The following UNC13C variants were observed in gnomAD, a reference collection of about 807,000 sequenced individuals.
UNC13C encodes the protein unc-13 homolog C.
Under a neutral mutation model 245.4 loss-of-function variants are expected in UNC13C, and 174 were observed. The observed-to-expected ratio is 0.71, with a 90% CI of 0.63 to 0.80. The LOEUF (loss-of-function observed/expected upper bound fraction) is 0.80, where lower values mean the gene tolerates loss of function less well. UNC13C is among the 30% of genes least tolerant of loss of function. The pLI, the probability that UNC13C is intolerant of heterozygous loss-of-function variation, is 0.00. For synonymous variants in UNC13C, 992 were observed against 895.1 expected, an observed-to-expected ratio of 1.11 and a Z score of -1.93; for missense variants, 2,829 against 2,602.9, an observed-to-expected ratio of 1.09 and a Z score of -1.89.
At chr15:54,443,331 T>G (rs145933364) in intron 19 of UNC13C, among the ~76,000 whole-genome samples, 1 of 152,100 alleles carries the variant, frequency 6.6e-6, no homozygotes, top group Non-Finnish European at 1.5e-5. Context: ...GCTAATGGTT[T>G]ATCAATTTTA....
At chr15:53,934,860 A>C in the UNC13C span, among the ~76,000 whole-genome samples, 1 of 152,132 alleles carries the variant, frequency 6.6e-6, no homozygotes, top group Non-Finnish European at 1.5e-5. Context: ...ATAGGTTACT[A>C]ATCCCATTCA....
the UNC13C span, among the ~76,000 whole-genome samples, chr15:53,840,459 A>G: frequency 0.78 from 118,791 of 151,906 alleles, 48,405 homozygotes; most frequent in Middle Eastern, 0.94. Flanking sequence ...AACTAGAGTC[A>G]TAATAGGAAG....
At chr15:54,437,411 C>A (rs948484103) in intron 19 of UNC13C, among the ~76,000 whole-genome samples, 11 of 151,886 alleles carry the variant, frequency 7.2e-5, no homozygotes, top group Non-Finnish European at 1.2e-4. Context: ...TTGTAACTCT[C>A]AAAACATTGG....
At chr15:54,543,890 T>G (rs1269181091) in intron 26 of UNC13C, among the ~76,000 whole-genome samples, 2 of 152,176 alleles carry the variant, frequency 1.3e-5, no homozygotes, top group Admixed American at 1.3e-4. Context: ...ATACTATTCC[T>G]TCTGAAACTA....
chr15:54,039,392 A>G (rs941582013), intron 2 of UNC13C, among the ~76,000 whole-genome samples: 15 of 152,196 alleles, frequency 9.9e-5, no homozygotes, highest in Non-Finnish European at 1.3e-4. Context: ...CAGGGCGACA[A>G]TGAAACAGAA....
intron 19 of UNC13C, among the ~76,000 whole-genome samples, chr15:54,450,476 G>A (rs903173992): frequency 3.9e-5 from 6 of 152,188 alleles, no homozygotes; most frequent in East Asian, 1.9e-4. Flanking sequence ...AATGGCGGGC[G>A]CCCCTTCTCC....
chr15:54,258,753 A>G (rs1039419465), intron 8 of UNC13C, among the ~76,000 whole-genome samples: 1 of 152,160 alleles, frequency 6.6e-6, no homozygotes, highest in East Asian at 1.9e-4. Flanking sequence ...TATTAAAGCT[A>G]TATGTGTTAT....
chr15:54,465,208 A>G (rs1009345911), intron 19 of UNC13C, among the ~76,000 whole-genome samples: 5 of 152,102 alleles, frequency 3.3e-5, no homozygotes, highest in Admixed American at 2.6e-4. Flanking sequence ...ATTTCAAATG[A>G]ACTGTGCTAG....
intron 2 of UNC13C, among the ~76,000 whole-genome samples, chr15:54,129,079 A>G (rs2031247841): frequency 6.6e-6 from 1 of 152,144 alleles, no homozygotes; most frequent in South Asian, 2.1e-4. Flanking sequence ...CTTCTCTCCA[A>G]TTTTCAGAGT....
chr15:54,298,321 G>C (rs933854726), intron 12 of UNC13C, among the ~76,000 whole-genome samples: 1 of 152,192 alleles, frequency 6.6e-6, no homozygotes, highest in Admixed American at 6.5e-5. Flanking sequence ...GGATCAAATC[G>C]TAATTGTGTT....
At chr15:53,972,641 T>A in the UNC13C span, 2 of 152,192 alleles carry the variant, frequency 1.3e-5, no homozygotes, top group Non-Finnish European at 2.9e-5. Flanking sequence ...TTTGAATCCA[T>A]GCAGTTTGTG....
chr15:54,162,269 G>C (rs1187144638), intron 4 of UNC13C, among the ~76,000 whole-genome samples: 2 of 152,232 alleles, frequency 1.3e-5, no homozygotes, highest in East Asian at 1.9e-4. Flanking sequence ...TAAAAGGCAG[G>C]GACTGGTCCA....
At chr15:54,290,149 G>A (rs918994324) in intron 10 of UNC13C, among the ~76,000 whole-genome samples, 2 of 152,010 alleles carry the variant, frequency 1.3e-5, no homozygotes, top group Non-Finnish European at 2.9e-5. Context: ...AAAACTGTAC[G>A]TTTCTGACAG....
At chr15:54,127,840 C>T (rs1463113379) in intron 2 of UNC13C, among the ~76,000 whole-genome samples, 1 of 148,580 alleles carries the variant, frequency 6.7e-6, no homozygotes, top group African/African-American at 2.5e-5. Flanking sequence ...AACCTTCCTC[C>T]TTGGGAACTG....
intron 30 of UNC13C, among the ~76,000 whole-genome samples, chr15:54,573,882 A>C (rs1048179753): frequency 1.2e-4 from 19 of 152,206 alleles, no homozygotes; most frequent in African/African-American, 4.3e-4. Context: ...AATCTAACAC[A>C]GGCTGAAAAG....
chr15:53,923,105 C>T, the UNC13C span, among the ~76,000 whole-genome samples: 23,481 of 152,164 alleles, frequency 0.15, 2,153 homozygotes, highest in Middle Eastern at 0.23. Context: ...GAATAAAATA[C>T]TACCCTTTCC....
intron 18 of UNC13C, among the ~76,000 whole-genome samples, chr15:54,401,643 G>A (rs375701343): frequency 1.3e-5 from 2 of 152,278 alleles, no homozygotes; most frequent in East Asian, 3.9e-4. Flanking sequence ...TTGACAGTGA[G>A]TGGAGGGAAA....
At chr15:53,890,361 T>G in the UNC13C span, among the ~76,000 whole-genome samples, 6 of 152,254 alleles carry the variant, frequency 3.9e-5, no homozygotes, top group Non-Finnish European at 8.8e-5. Flanking sequence ...CAGGATGGTC[T>G]CAATCTCCTG....
chr15:54,342,269 C>T lies in UNC13C; in HGVS notation c.4713+3780C>T, dbSNP rs144125330. Among the ~76,000 whole-genome samples, 435 of 152,226 alleles carry T rather than the reference C, an allele frequency of 2.9e-3. 2 individuals are homozygous for T. The highest frequency in any genetic ancestry group is 0.01 in the African/African-American group (420 of 41,548). On this transcript the variant is annotated intron_variant, in intron 17 of 32. Transcript: ENST00000260323. ...TCATAGATTATTTCCCTCTTGATGA[C>T]ACATCTTTTTGTTATATTGAAGTTT...
Sources: gnomAD v4.1 joint callset for allele counts (sites outside exome capture counted in the v4.1 genomes callset) on GRCh38, gnomAD v4.1.1 for gene constraint, MANE v1.5 for transcripts, NCBI Gene and HGNC (gene_info 2026-07-23, HGNC 2026-07-21) for gene names.